Variants in DHRSX observed in about 807,000 individuals in gnomAD.
The protein encoded by DHRSX is dehydrogenase/reductase X-linked, also known as polyprenol dehydrogenase.
Under a neutral mutation model 34.0 loss-of-function variants are expected in DHRSX, and 31 were observed. The ratio of observed to expected loss-of-function variants is 0.91; its 90% CI spans 0.69 to 1.23. The LOEUF is 1.23. Ranked by LOEUF, DHRSX falls within the 50% of genes most tolerant of loss-of-function variation. DHRSX has a pLI of 0.00. For synonymous variants in DHRSX, 201 were observed against 183.8 expected, an observed-to-expected ratio of 1.09 and a Z score of -0.76; for missense variants, 414 against 428.1, an observed-to-expected ratio of 0.97 and a Z score of 0.29.
chrX:2,363,506 A>C (rs62583740), intron 3 of DHRSX, among the ~76,000 whole-genome samples: 32,411 of 117,846 alleles, frequency 0.28, 7,695 homozygotes, highest in Non-Finnish European at 0.42. Context: ...GTTCTATGGT[A>C]TCATGCCTCC....
chrX:2,231,791 TTCTC>T (rs928762552), intron 6 of DHRSX, among the ~76,000 whole-genome samples: 37 of 144,266 alleles, frequency 2.6e-4, no homozygotes, highest in East Asian at 8.7e-4. Context: ...CCTCCTGTTT[TTCTC>T]TCTATCCCTC....
Position 2,424,257 on chromosome X carries a change from G to T in DHRSX, c.217+940C>A, listed in dbSNP as rs935618335. Among the ~76,000 whole-genome samples the T allele has an allele frequency of 1.6e-4, 24 of 152,146 alleles. No individual in the cohort carries two copies. In the East Asian group the frequency reaches 1.9e-3, roughly 12 times the overall value. ...TCTCAGACATCCAGCCTCCAGGACT[G>T]TGGGAAACTCAATGTCTGTTGTATA... On this transcript the variant is annotated intron_variant, in intron 2 of 6. Coordinates refer to ENST00000334651, the MANE Select transcript of DHRSX (RefSeq NM_145177.3).
intron 3 of DHRSX, among the ~76,000 whole-genome samples, chrX:2,343,043 C>G (rs2124564120): frequency 6.6e-6 from 1 of 152,274 alleles, no homozygotes; most frequent in Non-Finnish European, 1.5e-5. Context: ...CCTCATGACT[C>G]ATGTCAGCAT....
chrX:2,430,095 C>T (rs750176907), intron 1 of DHRSX, among the ~76,000 whole-genome samples: 1 of 151,304 alleles, frequency 6.6e-6, no homozygotes, highest in East Asian at 2.0e-4. Context: ...AACCTAAAGA[C>T]ATAAAAGTAG....
chrX:2,441,784 C>A (rs1333618853), intron 1 of DHRSX, among the ~76,000 whole-genome samples: 1 of 152,128 alleles, frequency 6.6e-6, no homozygotes, highest in Non-Finnish European at 1.5e-5. Context: ...ACCATAAAGA[C>A]TCACACGGCT....
intron 2 of DHRSX, among the ~76,000 whole-genome samples, chrX:2,416,487 G>T (rs1450854815): frequency 6.6e-6 from 1 of 152,172 alleles, no homozygotes; most frequent in Non-Finnish European, 1.5e-5. Flanking sequence ...CTGGCCTGCA[G>T]CTGGATATTG....
chrX:2,347,716 G>A (rs186241421), intron 3 of DHRSX, among the ~76,000 whole-genome samples: 10 of 152,188 alleles, frequency 6.6e-5, no homozygotes, highest in South Asian at 2.1e-4. Context: ...ATTTGAGTGG[G>A]GACAGAGCCA....
chrX:2,415,888 C>T (rs754258803), intron 2 of DHRSX, among the ~76,000 whole-genome samples: 4 of 151,826 alleles, frequency 2.6e-5, no homozygotes, highest in African/African-American at 7.2e-5. Context: ...ACAACTAGAT[C>T]TCCTCATGAC....
chrX:2,463,181 G>T (rs2044426702), intron 1 of DHRSX, among the ~76,000 whole-genome samples: 1 of 152,118 alleles, frequency 6.6e-6, no homozygotes, highest in Non-Finnish European at 1.5e-5. Flanking sequence ...CCAACTGAAG[G>T]TATTTTATTT....
In DHRSX at chrX:2,385,116, G is replaced by A. The variant is rs758785011; in HGVS notation, c.286+23629C>T. On this transcript the variant is annotated intron_variant, in intron 3 of 6. Transcript: ENST00000334651. ...GACTCCATCTCAAATATATATGTGTGTGTGTGTGTGTGTGTGTGTGTATGT... is the reference window on the plus strand; with the variant it reads ...GACTCCATCTCAAATATATATGTGTATGTGTGTGTGTGTGTGTGTGTATGT... 2.4e-4 allele frequency among the ~76,000 whole-genome samples: 28 copies of A among 115,614 alleles called. 1 individual carries two copies. The highest frequency in any genetic ancestry group is 7.5e-4 in the African/African-American group (27 of 35,862). The allele number at this position is 115,614 out of a possible 152,430, so 75.8% of individuals were successfully genotyped here. A position where few individuals can be genotyped will look rare whatever the true frequency, so the allele number is the denominator to read the frequency against.
At chrX:2,256,240 CT>C (rs1360321554) in intron 5 of DHRSX, among the ~76,000 whole-genome samples, 2 of 151,224 alleles carry the variant, frequency 1.3e-5, no homozygotes, top group Non-Finnish European at 2.9e-5. Context: ...CGATCCACCC[CT>C]CTCAGCCTCC....
chrX:2,500,179 G>A, intron 1 of DHRSX: 1 of 152,422 alleles, frequency 6.6e-6, no homozygotes, highest in Non-Finnish European at 1.5e-5. Context: ...GTTTACAAAG[G>A]CCAAGGAAAC....
At chrX:2,270,880 CA>C (rs1365185793) in intron 4 of DHRSX, among the ~76,000 whole-genome samples, 1 of 151,990 alleles carries the variant, frequency 6.6e-6, no homozygotes, top group Non-Finnish European at 1.5e-5. Context: ...TAAAATGGAC[CA>C]ATCAATGCTC....
chrX:2,224,213 C>T (rs1249273196), intron 6 of DHRSX, among the ~76,000 whole-genome samples: 3 of 150,718 alleles, frequency 2.0e-5, no homozygotes, highest in Non-Finnish European at 4.4e-5. Context: ...TAGTATGATG[C>T]CTCCACCCGG....
chrX:2,239,483 G>A (rs1273394030), intron 6 of DHRSX, among the ~76,000 whole-genome samples: 1 of 151,880 alleles, frequency 6.6e-6, no homozygotes, highest in Non-Finnish European at 1.5e-5. Flanking sequence ...GAGGCCGGGC[G>A]TGGTGGCTCA....
intron 1 of DHRSX, among the ~76,000 whole-genome samples, chrX:2,449,452 C>A (rs188825128): frequency 1.5e-3 from 232 of 152,212 alleles, no homozygotes; most frequent in African/African-American, 5.3e-3. Context: ...ATGGAACATT[C>A]TGGGGGACAC....
At chrX:2,499,179 C>A (rs1423330577) in intron 1 of DHRSX, among the ~76,000 whole-genome samples, 1 of 152,034 alleles carries the variant, frequency 6.6e-6, no homozygotes. Flanking sequence ...AATAAGGCAC[C>A]CAAGCGCTTC....
intron 3 of DHRSX, among the ~76,000 whole-genome samples, chrX:2,400,156 C>T (rs1272470714): frequency 1.3e-5 from 2 of 152,204 alleles, no homozygotes; most frequent in Non-Finnish European, 2.9e-5. Flanking sequence ...AACACATTCA[C>T]ATAAAGTGCT....
At position 2,269,867 on chromosome X, in the gene DHRSX, A is replaced by C. The variant is rs565636017; in HGVS notation, c.389-2920T>G. On this transcript the variant is annotated intron_variant, in intron 4 of 6. Coordinates refer to ENST00000334651, the MANE Select transcript of DHRSX (RefSeq NM_145177.3). ...GTGTGTATTTTATATGGAGATATGT[A>C]TATATCTATAGGTCTAGCGTTTCTG... Among the ~76,000 whole-genome samples, 9 of 152,290 alleles carry C rather than the reference A, an allele frequency of 5.9e-5. No individual in the cohort carries two copies. In the South Asian group the frequency reaches 1.2e-3, roughly 21 times the overall value.
Sources: allele counts gnomAD v4.1 joint callset (sites outside exome capture counted in the v4.1 genomes callset), GRCh38; gene constraint gnomAD v4.1.1; transcripts MANE v1.5; gene names NCBI Gene and HGNC (gene_info 2026-07-23, HGNC 2026-07-21).